Variants in CCDC158 observed in about 807,000 individuals in gnomAD.
CCDC158 encodes coiled-coil domain containing 158, also known as coiled-coil domain-containing protein 158.
Under a neutral mutation model 138.6 loss-of-function variants are expected in CCDC158, and 116 were observed. The observed-to-expected ratio is 0.84, with a 90% CI of 0.72 to 0.98. The LOEUF (loss-of-function observed/expected upper bound fraction) is 0.98. Ranked by LOEUF, CCDC158 falls within the 50% of genes least tolerant of loss-of-function variation. The pLI, the probability that CCDC158 is intolerant of heterozygous loss-of-function variation, is 0.00. For missense variants in CCDC158, 1,265 were observed against 1,306.1 expected (o/e 0.97, Z 0.48); for synonymous variants, 436 against 442.4 (o/e 0.99, Z 0.18).
At chr4:76,394,616 T>A (rs1286128186) in intron 4 of CCDC158, among the ~76,000 whole-genome samples, 4 of 152,112 alleles carry the variant, frequency 2.6e-5, no homozygotes, top group African/African-American at 9.7e-5. Context: ...CATTTTCAAA[T>A]AACTAAAAGA....
intron 9 of CCDC158, among the ~76,000 whole-genome samples, chr4:76,376,759 T>A (rs890293945): frequency 2.6e-5 from 4 of 152,124 alleles, no homozygotes; most frequent in Admixed American, 2.0e-4. Context: ...CCAAAGGGAG[T>A]TACTGTTAAG....
Position 76,359,060 on chromosome 4 carries a change from A to T in CCDC158, c.2021-1534T>A, listed in dbSNP as rs945003963. Among the ~76,000 whole-genome samples, 4 of 152,072 alleles carry T rather than the reference A, an allele frequency of 2.6e-5. No homozygotes were observed. In the East Asian group the frequency reaches 7.7e-4, roughly 29 times the overall value. On this transcript the variant is annotated intron_variant, in intron 13 of 24. Coordinates refer to ENST00000682701, the MANE Select transcript of CCDC158 (RefSeq NM_001394954.1). ...TTGTGACAGTGTGTGAGTTCTCATG[A>T]GATCTGGTTGTTTGAAAGTGTGTAG...
At chr4:76,406,278 T>C (rs1728817028) in intron 2 of CCDC158, among the ~76,000 whole-genome samples, 3 of 152,160 alleles carry the variant, frequency 2.0e-5, no homozygotes, top group African/African-American at 7.2e-5. Context: ...AAAAGCCACA[T>C]TGCACAATAA....
intron 23 of CCDC158, among the ~76,000 whole-genome samples, chr4:76,324,735 C>T (rs1720367937): frequency 6.6e-6 from 1 of 152,040 alleles, no homozygotes; most frequent in Non-Finnish European, 1.5e-5. Context: ...AGGAAGGCAT[C>T]CAAGATTTCC....
At chr4:76,397,794 A>T (rs934775288) in intron 3 of CCDC158, among the ~76,000 whole-genome samples, 1 of 152,234 alleles carries the variant, frequency 6.6e-6, no homozygotes, top group Non-Finnish European at 1.5e-5. Context: ...AGCCACTGAA[A>T]GGTCCTAGAC....
chr4:76,369,874 T>G (rs1033844082), intron 10 of CCDC158, among the ~76,000 whole-genome samples: 3 of 152,166 alleles, frequency 2.0e-5, no homozygotes, highest in African/African-American at 7.2e-5. Context: ...AAAAGGAAAA[T>G]ACAGTAGATT....
At chr4:76,355,588 G>T (rs1014198480) in intron 14 of CCDC158, 152 bp from the exon 15 acceptor site, 1 of 620,642 alleles carries the variant, frequency 1.6e-6, no homozygotes, top group East Asian at 2.7e-5. Context: ...GAATGTCTTC[G>T]GTTTTTATAA....
At chr4:76,404,860 C>A (rs1728688404) in intron 2 of CCDC158, among the ~76,000 whole-genome samples, 1 of 151,330 alleles carries the variant, frequency 6.6e-6, no homozygotes, top group South Asian at 2.1e-4. Flanking sequence ...CCCCATTCTC[C>A]ACAAAAAGGA....
chr4:76,370,789 C>T (rs1725157357), intron 10 of CCDC158, among the ~76,000 whole-genome samples: 1 of 152,196 alleles, frequency 6.6e-6, no homozygotes, highest in South Asian at 2.1e-4. Context: ...AAGAGCTTCT[C>T]TACACAGCTC....
chr4:76,396,213 G>A, intron 4 of CCDC158, 56 bp downstream of exon 4: 1 of 1,244,350 alleles, frequency 8.0e-7, no homozygotes. Context: ...ACTACATACT[G>A]GATCTCACTG....
At position 76,351,420 on chromosome 4, in the gene CCDC158, C is replaced by T. The variant is rs1300722064; in HGVS notation, c.2539-299G>A. 2.0e-5 allele frequency among the ~76,000 whole-genome samples: 3 copies of T among 152,252 alleles called. No individual in the cohort carries two copies. The East Asian group carries it at 5.8e-4, about 29-fold the overall frequency. ...GACTCCTGAGCATGGAAAACTCTTG[C>T]TTTGGGTATTCCCATGCAGGTACTC... On this transcript the variant is annotated intron_variant, in intron 17 of 24. Transcript: ENST00000682701.
intron 18 of CCDC158, chr4:76,345,430 A>G (rs1294352542): frequency 2.1e-6 from 2 of 937,276 alleles, no homozygotes; most frequent in East Asian, 2.4e-5. Flanking sequence ...AAATTTGAAC[A>G]GCTTTCCAAA....
At chr4:76,326,413 C>A (rs1003055877) in intron 22 of CCDC158, among the ~76,000 whole-genome samples, 1 of 151,858 alleles carries the variant, frequency 6.6e-6, no homozygotes, top group African/African-American at 2.4e-5. Flanking sequence ...TATAAGGAGA[C>A]AAGATGATAT....
chr4:76,383,391 A>T (rs1726463374), intron 7 of CCDC158, among the ~76,000 whole-genome samples: 1 of 151,928 alleles, frequency 6.6e-6, no homozygotes. Context: ...CTGGCTATAA[A>T]TCCCCATTTG....
intron 4 of CCDC158, among the ~76,000 whole-genome samples, chr4:76,390,597 A>G (rs1265101386): frequency 6.6e-6 from 1 of 152,064 alleles, no homozygotes; most frequent in African/African-American, 2.4e-5. Flanking sequence ...CCAGAAAACA[A>G]ATAACAAAAA....
chr4:76,382,034 C>A (rs1443465325), intron 8 of CCDC158, among the ~76,000 whole-genome samples: 1 of 152,180 alleles, frequency 6.6e-6, no homozygotes, highest in Non-Finnish European at 1.5e-5. Flanking sequence ...TATTACAAAT[C>A]TGAATTGTAA....
intron 9 of CCDC158, among the ~76,000 whole-genome samples, chr4:76,374,105 A>G (rs900842577): frequency 1.3e-5 from 2 of 152,108 alleles, no homozygotes; most frequent in East Asian, 1.9e-4. Context: ...GTAATGAGTC[A>G]TGTTCGTGCC....
chr4:76,351,856 T>C (rs371270141), intron 16 of CCDC158, 44 bp from the exon 17 acceptor site: 1 of 1,222,622 alleles, frequency 8.2e-7, no homozygotes, highest in African/African-American at 1.5e-5. Flanking sequence ...GCATTCTTTA[T>C]GCACTTATAT....
upstream of CCDC158, among the ~76,000 whole-genome samples, chr4:76,421,193 C>T (rs1043755899): frequency 1.3e-5 from 2 of 151,904 alleles, no homozygotes; most frequent in South Asian, 2.1e-4. Flanking sequence ...CTGCCCAGTC[C>T]GCGCGAGCCG....
Sources: allele counts gnomAD v4.1 joint callset (sites outside exome capture counted in the v4.1 genomes callset), GRCh38; gene constraint gnomAD v4.1.1; transcripts MANE v1.5; gene names NCBI Gene and HGNC (gene_info 2026-07-23, HGNC 2026-07-21).